Variants in TYK2 observed in about 807,000 individuals in gnomAD.
The protein encoded by TYK2 is tyrosine kinase 2.
TYK2 carries 65 observed loss-of-function variants against 130.9 expected under a neutral mutation model. The observed-to-expected ratio is 0.50, with a 90% CI of 0.41 to 0.61. The LOEUF is 0.61. TYK2 is among the 20% of genes least tolerant of loss of function. TYK2 has a pLI of 0.00. For synonymous variants in TYK2, 647 were observed against 658.9 expected (o/e 0.98, Z 0.28); for missense variants, 1,378 against 1,610.7 (o/e 0.86, Z 2.47).
At position 10,350,719 on chromosome 19, in the gene TYK2, C is replaced by T. The variant is rs966193693; in HGVS notation, c.*115G>A. ...GGTCTCTAGACAGGAGTAAGGCACA[C>T]GGTGTGGGTGAGGCTGACATCCCCC... On this transcript the variant is annotated 3_prime_UTR_variant, in exon 25 of 25. Coordinates refer to ENST00000525621, the MANE Select transcript of TYK2 (RefSeq NM_003331.5). 12 of 1,290,864 alleles carry T rather than the reference C, an allele frequency of 9.3e-6. No homozygotes were observed. The highest frequency in any genetic ancestry group is 5.0e-5 in the South Asian group (4 of 79,370). 80.0% of individuals were successfully genotyped at this position (1,290,864 alleles called of 1,614,324 possible).
chr19:10,365,895 G>A lies in TYK2; in HGVS notation c.633C>T (p.Phe211=), dbSNP rs1398371349. Residue 211 remains phenylalanine, a synonymous_variant, in exon 7 of 25, where the codon TTC becomes TTT. Coordinates refer to ENST00000525621, the MANE Select transcript of TYK2 (RefSeq NM_003331.5). The part of the protein sequence containing the change: ...PLEEVAKKTS[F]KDCIPRSFRR... ...GGAAGGAGCGCGGGATGCAGTCCTT[G>A]AAGCTGGGGGGAAACACAGTGAGGG... 6.2e-7 allele frequency: 1 copy of A among 1,606,316 alleles called. No individual in the cohort carries two copies. Among genetic ancestry groups the A allele is most frequent in the Non-Finnish European group, 8.5e-7 (1 of 1,176,422 alleles).
chr19:10,371,824 G>A (rs1436135784), intron 3 of TYK2, among the ~76,000 whole-genome samples: 2 of 152,084 alleles, frequency 1.3e-5, no homozygotes, highest in Admixed American at 1.3e-4. Context: ...TACTTAGGCA[G>A]TCTCTTATTG....
At chr19:10,380,316 C>T (rs903411265) in intron 1 of TYK2, 64 bp downstream of exon 1, 3 of 152,598 alleles carry the variant, frequency 2.0e-5, no homozygotes, top group African/African-American at 7.2e-5. Flanking sequence ...TGCACGCCCC[C>T]ATGTCCTCCC....
intron 3 of TYK2, among the ~76,000 whole-genome samples, chr19:10,372,689 C>T (rs2041969778): frequency 6.7e-6 from 1 of 150,152 alleles, no homozygotes. Flanking sequence ...CGGGGTTTCG[C>T]GATGTTGCCC....
At chr19:10,372,203 C>T (rs1413830609) in intron 3 of TYK2, among the ~76,000 whole-genome samples, 1 of 150,796 alleles carries the variant, frequency 6.6e-6, no homozygotes, top group Non-Finnish European at 1.5e-5. Flanking sequence ...CCGTGTTAGC[C>T]AGGACGGTCG....
At chr19:10,367,031 T>C (rs1220741464) in intron 5 of TYK2, among the ~76,000 whole-genome samples, 1 of 147,212 alleles carries the variant, frequency 6.8e-6, no homozygotes, top group Non-Finnish European at 1.5e-5. Flanking sequence ...GCAACAAGAA[T>C]GAAACTCTGT....
chr19:10,365,966 C>T (rs890197510), intron 6 of TYK2, 68 bp from the exon 7 acceptor site: 3 of 1,498,100 alleles, frequency 2.0e-6, no homozygotes, highest in Admixed American at 2.1e-5. Context: ...TGACACAGGG[C>T]AAGTGGCTTA....
At chr19:10,362,771 G>T in intron 9 of TYK2, 114 bp from the exon 10 acceptor site, 1 of 892,290 alleles carries the variant, frequency 1.1e-6, no homozygotes, top group Non-Finnish European at 1.8e-6. Flanking sequence ...TAGGACAAGT[G>T]TCAGACACAG....
Position 10,364,588 on chromosome 19 carries a change from C to T in TYK2, c.1367+26G>A. Reference sequence around the variant, plus strand: ...CTAGTTGGCACCCTTGGCGGTGGCCCCCAGCGCCCCCCACCCAGCACTCAC... The same window carrying T: ...CTAGTTGGCACCCTTGGCGGTGGCCTCCAGCGCCCCCCACCCAGCACTCAC... On this transcript the variant is annotated intron_variant, in intron 9 of 24. Coordinates refer to ENST00000525621, the MANE Select transcript of TYK2 (RefSeq NM_003331.5). The surrounding 1 kb of genome is among the most constrained non-coding windows in gnomAD (Gnocchi z 4.9). 6.2e-7 allele frequency: 1 copy of T among 1,613,258 alleles called. No homozygotes were observed. The highest frequency in any genetic ancestry group is 1.1e-5 in the South Asian group (1 of 91,064).
Position 10,358,082 on chromosome 19 carries a change from C to A in TYK2, c.2232G>T (p.Arg744=). 6.2e-7 allele frequency: 1 copy of A among 1,612,886 alleles called. No individual in the cohort carries two copies. Among genetic ancestry groups the A allele is most frequent in the Non-Finnish European group, 8.5e-7 (1 of 1,179,770 alleles). Residue 744 remains arginine (R), a synonymous_variant, in exon 16 of 25, where the codon CGG becomes CGT. Coordinates refer to ENST00000525621, the MANE Select transcript of TYK2 (RefSeq NM_003331.5). ...NVCGRNILLA[R]LGLAEGTSPF... Reference sequence around the variant, plus strand: ...GGCTGGTGCCCTCTGCCAACCCCAGCCGGGCCAGCAGGATGTTCCGGCCAC... The same window carrying A: ...GGCTGGTGCCCTCTGCCAACCCCAGACGGGCCAGCAGGATGTTCCGGCCAC...
intron 7 of TYK2, among the ~76,000 whole-genome samples, chr19:10,365,286 G>A (rs1295256960): frequency 6.6e-6 from 1 of 152,150 alleles, no homozygotes; most frequent in South Asian, 2.1e-4. Flanking sequence ...CCAGGTGCCA[G>A]TCCCCAGATG....
At chr19:10,378,145 G>C in intron 3 of TYK2, 69 bp downstream of exon 3, 1 of 1,540,300 alleles carries the variant, frequency 6.5e-7, no homozygotes, top group South Asian at 1.1e-5. Flanking sequence ...TGGATAGACG[G>C]ATGGATGGGG....
intron 5 of TYK2, 121 bp downstream of exon 5, chr19:10,367,933 AG>A: frequency 8.9e-6 from 10 of 1,123,826 alleles, no homozygotes; most frequent in South Asian, 2.9e-5. Flanking sequence ...AAAAAAAAAA[AG>A]ATCCCCAGAT....
chr19:10,356,458 GCA>G, intron 18 of TYK2, 108 bp downstream of exon 18: 1 of 1,397,854 alleles, frequency 7.2e-7, no homozygotes. Context: ...CAAGAAATTG[GCA>G]CACACCCTGA....
At chr19:10,368,709 T>C in intron 3 of TYK2, 1 of 418,576 alleles carries the variant, frequency 2.4e-6, no homozygotes, top group Non-Finnish European at 4.5e-6. Flanking sequence ...ATAAATTCTC[T>C]TGCCACCTTC....
In TYK2 at chr19:10,378,139, T is replaced by C. The variant is rs549242170; in HGVS notation, c.193+75A>G. 9.5e-5 allele frequency: 143 copies of C among 1,502,186 alleles called. 1 individual carries two copies. In the Middle Eastern group the frequency reaches 1.4e-3, roughly 15 times the overall value. 93.1% of individuals were successfully genotyped at this position (1,502,186 alleles called of 1,614,324 possible). On this transcript the variant is annotated intron_variant, in intron 3 of 24. Transcript: ENST00000525621. ...GTGGGTGGATGGGTGGGTGGGTGGA[T>C]AGACGGATGGATGGGGCCCAGCTGC...
Position 10,354,514 on chromosome 19 carries a change from C to T in TYK2, c.2713G>A (p.Glu905Lys). 2 of 1,614,004 alleles carry T rather than the reference C, an allele frequency of 1.2e-6. No homozygotes were observed. The highest frequency in any genetic ancestry group is 1.3e-5 in the African/African-American group (1 of 75,034). Reference sequence around the variant, plus strand: ...AGCAGCTCAGGCCCGTCCCTCACCTCGCCCAGATCTCGGATCTTTTTCAAA... The same window carrying T: ...AGCAGCTCAGGCCCGTCCCTCACCTTGCCCAGATCTCGGATCTTTTTCAAA... ...RYLKKIRDLG[E>K]GHFGKVSLYC... The change falls in exon 19 of 25, where the codon GAG becomes AAG. Residue 905 changes from glutamate (E) to lysine (K), a missense_variant and splice_region_variant. By Grantham distance (56) the Glu-to-Lys change is moderately conservative. Coordinates refer to ENST00000525621, the MANE Select transcript of TYK2 (RefSeq NM_003331.5).
At chr19:10,351,959 C>T (rs563027728) in intron 23 of TYK2, among the ~76,000 whole-genome samples, 8 of 151,688 alleles carry the variant, frequency 5.3e-5, no homozygotes, top group African/African-American at 1.9e-4. Context: ...AGGCTGGTCT[C>T]GATCTCCTGA....
chr19:10,360,793 C>T (rs900755369), intron 14 of TYK2, among the ~76,000 whole-genome samples: 19 of 152,002 alleles, frequency 1.2e-4, no homozygotes, highest in African/African-American at 4.4e-4. Context: ...CGCCCTGTCG[C>T]CCAGGCTGGA....
Sources: gnomAD v4.1 joint callset for allele counts (sites outside exome capture counted in the v4.1 genomes callset) on GRCh38, gnomAD v4.1.1 for gene constraint, Gnocchi (gnomAD v3.1) non-coding constraint, MANE v1.5 for transcripts, NCBI Gene and HGNC (gene_info 2026-07-23, HGNC 2026-07-21) for gene names.